CAMK2G: variants seen among roughly 807,000 people sequenced by gnomAD.
CAMK2G encodes calcium/calmodulin dependent protein kinase II gamma.
A neutral mutation model predicts 88.7 loss-of-function variants in CAMK2G; 23 were observed. The observed-to-expected ratio is 0.26, with a 90% CI of 0.19 to 0.37. CAMK2G has a LOEUF of 0.37. CAMK2G is among the 10% of genes least tolerant of loss of function. The probability of loss-of-function intolerance (pLI) is 1.00; values close to 1 mark genes in which losing one functional copy is unlikely to be tolerated. For missense variants in CAMK2G, 476 were observed against 780.8 expected (o/e 0.61, Z 4.65); for synonymous variants, 263 against 294.8 (o/e 0.89, Z 1.11).
chr10:73,837,406 G>C, intron 14 of CAMK2G, 62 bp downstream of exon 14: 2 of 1,339,618 alleles, frequency 1.5e-6, no homozygotes, highest in Non-Finnish European at 2.2e-6. Context: ...CAGGTGCCAA[G>C]AATTCCCATA....
At chr10:73,850,189 G>T (rs1430840891) in intron 5 of CAMK2G, among the ~76,000 whole-genome samples, 1 of 152,072 alleles carries the variant, frequency 6.6e-6, no homozygotes, top group African/African-American at 2.4e-5. Context: ...TGGAGACAAG[G>T]TCTCACCATG....
At chr10:73,819,819 G>A (rs752235750) in intron 18 of CAMK2G, among the ~76,000 whole-genome samples, 174 bp from the exon 19 acceptor site, 3 of 152,214 alleles carry the variant, frequency 2.0e-5, no homozygotes, top group African/African-American at 4.8e-5. Flanking sequence ...CCACGCCGCC[G>A]CCTCTGCCAG....
At chr10:73,833,622 G>A (rs1216990625) in intron 14 of CAMK2G, among the ~76,000 whole-genome samples, 1 of 145,182 alleles carries the variant, frequency 6.9e-6, no homozygotes, top group Non-Finnish European at 1.5e-5. Flanking sequence ...TTGAGACAGA[G>A]TCTTGCTCTG....
In CAMK2G at chr10:73,825,276, T is replaced by A; in HGVS notation, c.1155+3A>T. On this transcript the variant is annotated splice_donor_region_variant and intron_variant, in intron 16 of 22. Transcript: ENST00000423381. ...AGGCGGAGAAGCTGTAGTCAGGAGG[T>A]ACCATGGCCGTCTGCAAGGGCGCGG... 6.2e-7 allele frequency: 1 copy of A among 1,608,550 alleles called. No individual in the cohort carries two copies. Among genetic ancestry groups the A allele is most frequent in the Non-Finnish European group, 8.5e-7 (1 of 1,174,972 alleles).
At chr10:73,836,541 C>T (rs925427711) in intron 14 of CAMK2G, among the ~76,000 whole-genome samples, 11 of 151,992 alleles carry the variant, frequency 7.2e-5, no homozygotes, top group South Asian at 2.1e-4. Flanking sequence ...CTGCGAGGGG[C>T]GGAAGAACAC....
In CAMK2G at chr10:73,842,340, T is replaced by C. The variant is rs1317403757; in HGVS notation, c.903+118A>G. 10 of 1,150,388 alleles carry C rather than the reference T, an allele frequency of 8.7e-6. No individual in the cohort carries two copies. Among genetic ancestry groups the C allele is most frequent in the Admixed American group, 1.7e-5 (1 of 58,468 alleles). The allele number at this position is 1,150,388 out of a possible 1,614,324, so 71.3% of individuals were successfully genotyped here. ...TCTGGGCCCCCTCCCCTGTGACATGTACAACCTTCAGAGCCCAGCTCCAGC... is the reference window on the plus strand; with the variant it reads ...TCTGGGCCCCCTCCCCTGTGACATGCACAACCTTCAGAGCCCAGCTCCAGC... On this transcript the variant is annotated intron_variant, in intron 11 of 22. Coordinates refer to ENST00000423381, the MANE Select transcript of CAMK2G (RefSeq NM_001367534.1). The surrounding 1 kb of genome is among the most constrained non-coding windows in gnomAD (Gnocchi z 4.6).
At chr10:73,868,948 C>T (rs1224929377) in intron 2 of CAMK2G, among the ~76,000 whole-genome samples, 4 of 152,194 alleles carry the variant, frequency 2.6e-5, no homozygotes, top group African/African-American at 7.2e-5. Flanking sequence ...ACACAGACAC[C>T]CCAATCCCGA....
At chr10:73,819,175 A>G (rs1352457414) in intron 19 of CAMK2G, among the ~76,000 whole-genome samples, 1 of 152,032 alleles carries the variant, frequency 6.6e-6, no homozygotes, top group Non-Finnish European at 1.5e-5. Flanking sequence ...CCTCGCTGTC[A>G]CGATTTCCCC....
At chr10:73,840,275 A>G (rs2093671402) in intron 12 of CAMK2G, among the ~76,000 whole-genome samples, 1 of 152,214 alleles carries the variant, frequency 6.6e-6, no homozygotes, top group Non-Finnish European at 1.5e-5. Context: ...GAAAGAAAAC[A>G]AAGGCTGCTG....
intron 1 of CAMK2G, chr10:73,873,349 C>T: frequency 7.4e-7 from 1 of 1,343,816 alleles, no homozygotes; most frequent in Non-Finnish European, 9.6e-7. Context: ...CCACCTCAGG[C>T]TGCACATCAG....
In CAMK2G at chr10:73,842,852, C is replaced by T. The variant is rs530627130; in HGVS notation, c.820-311G>A. On this transcript the variant is annotated intron_variant, in intron 10 of 22. Coordinates refer to ENST00000423381, the MANE Select transcript of CAMK2G (RefSeq NM_001367534.1). This position sits in a 1 kb window ranked among gnomAD's most constrained non-coding sequence, Gnocchi z 4.6. ...AGGAGAGTACCCTGGGGGCTGTGATCCTCATTCAGTCACTCCTTAGGCAGC... is the reference window on the plus strand; with the variant it reads ...AGGAGAGTACCCTGGGGGCTGTGATTCTCATTCAGTCACTCCTTAGGCAGC... Among the ~76,000 whole-genome samples, 52 of 152,254 alleles carry T rather than the reference C, an allele frequency of 3.4e-4. No homozygotes were observed. Among genetic ancestry groups the T allele is most frequent in the Admixed American group, 5.9e-4 (9 of 15,292 alleles).
At chr10:73,837,905 A>C (rs569018093) in intron 13 of CAMK2G, among the ~76,000 whole-genome samples, 48 of 152,330 alleles carry the variant, frequency 3.2e-4, no homozygotes, top group Non-Finnish European at 6.3e-4. Flanking sequence ...GGATGGCCAA[A>C]CTGCAAGGAT....
intron 14 of CAMK2G, among the ~76,000 whole-genome samples, chr10:73,836,294 C>T (rs1358203864): frequency 1.3e-5 from 2 of 152,184 alleles, no homozygotes; most frequent in Admixed American, 6.5e-5. Context: ...ACTCCAGGTG[C>T]GGCCCCCTTC....
intron 2 of CAMK2G, among the ~76,000 whole-genome samples, chr10:73,867,262 A>G (rs540722480): frequency 2.0e-5 from 3 of 152,230 alleles, no homozygotes; most frequent in Non-Finnish European, 4.4e-5. Context: ...AATGCCCTAT[A>G]GCGAAAAGGC....
rs141342619 is a variant in CAMK2G at position 73,867,023 on chromosome 10, G to C, written c.160+5966C>G. ...ATCCGACACACAAGAGCAGGACCAT[G>C]GTTTCTAATGCCCTCACACATGTAC... is the stretch of plus-strand genomic sequence containing the variant. On this transcript the variant is annotated intron_variant, in intron 2 of 22. Transcript: ENST00000423381. Among the ~76,000 whole-genome samples the C allele has an allele frequency of 1.8e-4, 28 of 152,298 alleles. No homozygotes were observed. In the East Asian group the frequency reaches 4.4e-3, roughly 24 times the overall value.
At chr10:73,855,373 C>T (rs2094952768) in intron 3 of CAMK2G, among the ~76,000 whole-genome samples, 1 of 152,250 alleles carries the variant, frequency 6.6e-6, no homozygotes. Context: ...TACAGACCAG[C>T]TCCATTAGGG....
intron 14 of CAMK2G, among the ~76,000 whole-genome samples, chr10:73,830,219 G>A (rs867102407): frequency 6.6e-6 from 1 of 152,194 alleles, no homozygotes; most frequent in Non-Finnish European, 1.5e-5. Flanking sequence ...CCTTAGCCAT[G>A]CATAGCTGGG....
At chr10:73,861,242 TTTGCACACTTCGAG>T (rs2095358685) in intron 2 of CAMK2G, among the ~76,000 whole-genome samples, 1 of 152,240 alleles carries the variant, frequency 6.6e-6, no homozygotes, top group South Asian at 2.1e-4. Context: ...GACTTGAGGG[TTTGCACACTTCGAG>T]CCAGTGAGCA....
At chr10:73,866,767 C>T (rs953640339) in intron 2 of CAMK2G, among the ~76,000 whole-genome samples, 1 of 152,100 alleles carries the variant, frequency 6.6e-6, no homozygotes, top group African/African-American at 2.4e-5. Context: ...CAGAGGCCGC[C>T]GTCTGGTCCC....
Sources: allele counts gnomAD v4.1 joint callset (sites outside exome capture counted in the v4.1 genomes callset), GRCh38; gene constraint gnomAD v4.1.1; non-coding constraint Gnocchi (gnomAD v3.1); transcripts MANE v1.5; gene names NCBI Gene and HGNC (gene_info 2026-07-23, HGNC 2026-07-21).